CDC73: variants seen among roughly 807,000 people sequenced by gnomAD.
CDC73 encodes parafibromin.
Under a neutral mutation model 83.7 loss-of-function variants are expected in CDC73, and 21 were observed. The ratio of observed to expected loss-of-function variants is 0.25; its 90% confidence interval spans 0.18 to 0.36. CDC73 has a LOEUF of 0.36. Ranked by LOEUF, CDC73 falls within the 10% of genes least tolerant of loss-of-function variation. The probability of loss-of-function intolerance (pLI) is 1.00; values close to 1 mark genes in which losing one functional copy is unlikely to be tolerated. For synonymous variants in CDC73, 224 were observed against 212.9 expected (o/e 1.05, Z -0.45); for missense variants, 342 against 653.3 (o/e 0.52, Z 5.19).
At position 193,171,786 on chromosome 1, in the gene CDC73, G is replaced by A. The variant is rs372747925; in HGVS notation, c.972+19342G>A. ...ATTCACAGGTTCTGGGGGCTAGGGCGAATGGAAATCTTTGGAGAACCATTG... is the reference window on the plus strand; with the variant it reads ...ATTCACAGGTTCTGGGGGCTAGGGCAAATGGAAATCTTTGGAGAACCATTG... On this transcript the variant is annotated intron_variant, in intron 10 of 16. Coordinates refer to ENST00000367435, the MANE Select transcript of CDC73 (RefSeq NM_024529.5). Among the ~76,000 whole-genome samples the A allele has an allele frequency of 2.1e-4, 32 of 152,244 alleles. 1 individual carries two copies. The South Asian group carries it at 4.6e-3, about 22-fold the overall frequency.
intron 10 of CDC73, among the ~76,000 whole-genome samples, chr1:193,176,345 T>G (rs1440364815): frequency 6.6e-6 from 1 of 152,180 alleles, no homozygotes; most frequent in Non-Finnish European, 1.5e-5. Context: ...ACTGTTTTGC[T>G]TTTTTGAGGC....
chr1:193,204,398 T>C (rs1273700734), intron 11 of CDC73, among the ~76,000 whole-genome samples: 1 of 151,392 alleles, frequency 6.6e-6, no homozygotes, highest in Non-Finnish European at 1.5e-5. Flanking sequence ...CATGCCATTC[T>C]CCTGCCTCAG....
chr1:193,159,553 G>A (rs1413008470), intron 10 of CDC73, among the ~76,000 whole-genome samples: 1 of 151,958 alleles, frequency 6.6e-6, no homozygotes, highest in Middle Eastern at 3.2e-3. Flanking sequence ...TGTATTTTTA[G>A]TAGAGACTGT....
intron 14 of CDC73, among the ~76,000 whole-genome samples, chr1:193,233,758 G>C (rs903808782): frequency 6.6e-6 from 1 of 152,046 alleles, no homozygotes; most frequent in African/African-American, 2.4e-5. Flanking sequence ...TTTATTGTAA[G>C]GGAATAATGT....
At chr1:193,176,087 A>G (rs1676597707) in intron 10 of CDC73, among the ~76,000 whole-genome samples, 2 of 152,210 alleles carry the variant, frequency 1.3e-5, no homozygotes, top group South Asian at 2.1e-4. Context: ...CAAATTTTAA[A>G]TGTTAAGCAA....
chr1:193,138,162 T>G lies in CDC73; in HGVS notation c.501T>G (p.Thr167=), dbSNP rs200603992. The change falls in exon 6 of 17, where the codon ACT becomes ACG. Residue 167 remains threonine, a synonymous_variant. Coordinates refer to ENST00000367435, the MANE Select transcript of CDC73 (RefSeq NM_024529.5). ...GTCACAAAGAAGGGATTGTACAGAC[T>G]GAACAGATTAGGTAAGAATTCTTTT... ...LEGHKEGIVQ[T]EQIRSLSEAM... is the part of the protein sequence containing the mutation. The G allele has an allele frequency of 6.2e-7, 1 of 1,608,202 alleles. No individual in the cohort carries two copies. Among genetic ancestry groups the G allele is most frequent in the Non-Finnish European group, 8.5e-7 (1 of 1,174,602 alleles).
At chr1:193,230,093 G>A (rs893954220) in intron 13 of CDC73, among the ~76,000 whole-genome samples, 1 of 151,350 alleles carries the variant, frequency 6.6e-6, no homozygotes, top group Non-Finnish European at 1.5e-5. Context: ...GCAGTGGAGT[G>A]CAGATTTGAT....
At chr1:193,178,124 G>T (rs1558299443) in intron 10 of CDC73, among the ~76,000 whole-genome samples, 1 of 152,090 alleles carries the variant, frequency 6.6e-6, no homozygotes, top group Non-Finnish European at 1.5e-5. Flanking sequence ...TTAAGAAAAC[G>T]ACTTGAGTAT....
intron 15 of CDC73, among the ~76,000 whole-genome samples, chr1:193,247,745 C>CATA (rs1677978574): frequency 6.6e-6 from 1 of 152,078 alleles, no homozygotes; most frequent in South Asian, 2.1e-4. Flanking sequence ...TCAAACCAGC[C>CATA]ATAATATTCT....
chr1:193,157,188 G>A (rs1676221722), intron 10 of CDC73, among the ~76,000 whole-genome samples: 1 of 152,178 alleles, frequency 6.6e-6, no homozygotes, highest in South Asian at 2.1e-4. Flanking sequence ...AGAGTGGGGA[G>A]TAGAAAGATT....
intron 10 of CDC73, among the ~76,000 whole-genome samples, chr1:193,184,989 C>A (rs1432929452): frequency 2.0e-5 from 3 of 151,918 alleles, no homozygotes; most frequent in Non-Finnish European, 4.4e-5. Flanking sequence ...AGTTCTTGAG[C>A]CCTGAGTTGC....
chr1:193,202,604 C>G (rs373234703), intron 10 of CDC73, among the ~76,000 whole-genome samples: 1 of 145,644 alleles, frequency 6.9e-6, no homozygotes, highest in Non-Finnish European at 1.5e-5. Flanking sequence ...TTTTGCTGTC[C>G]TCAGGTGTCT....
intron 15 of CDC73, among the ~76,000 whole-genome samples, chr1:193,247,789 A>G: frequency 6.6e-6 from 1 of 152,014 alleles, no homozygotes. Flanking sequence ...GCAGTGCCCT[A>G]ACTCTCTTCA....
chr1:193,215,414 G>A (rs1677350197), intron 13 of CDC73, among the ~76,000 whole-genome samples: 1 of 152,186 alleles, frequency 6.6e-6, no homozygotes, highest in Middle Eastern at 3.4e-3. Flanking sequence ...CTGCCATTTA[G>A]TTGCAGAGCA....
At chr1:193,204,406 C>T (rs1446347241) in intron 11 of CDC73, among the ~76,000 whole-genome samples, 1 of 151,552 alleles carries the variant, frequency 6.6e-6, no homozygotes, top group East Asian at 1.9e-4. Flanking sequence ...TCTCCTGCCT[C>T]AGCCTCCCAA....
chr1:193,192,292 A>G (rs934442362), intron 10 of CDC73, among the ~76,000 whole-genome samples: 1 of 152,062 alleles, frequency 6.6e-6, no homozygotes, highest in African/African-American at 2.4e-5. Flanking sequence ...AAAATACAAA[A>G]ATCAGCCAGA....
chr1:193,175,448 G>C (rs1238392408), intron 10 of CDC73, among the ~76,000 whole-genome samples: 1 of 152,176 alleles, frequency 6.6e-6, no homozygotes, highest in Non-Finnish European at 1.5e-5. Context: ...TTCATATTAA[G>C]TGTACATGAC....
At chr1:193,188,542 T>C (rs146077534) in intron 10 of CDC73, among the ~76,000 whole-genome samples, 2 of 151,920 alleles carry the variant, frequency 1.3e-5, no homozygotes, top group African/African-American at 4.9e-5. Context: ...AGGTACATAT[T>C]GATTAACTAC....
chr1:193,233,389 T>G (rs1352482137), intron 14 of CDC73, among the ~76,000 whole-genome samples: 2 of 152,210 alleles, frequency 1.3e-5, no homozygotes, highest in Admixed American at 1.3e-4. Flanking sequence ...TTCGTTTGTT[T>G]TCTGTATATT....
Sources: allele counts gnomAD v4.1 joint callset (sites outside exome capture counted in the v4.1 genomes callset), GRCh38; gene constraint gnomAD v4.1.1; transcripts MANE v1.5; gene names NCBI Gene and HGNC (gene_info 2026-07-23, HGNC 2026-07-21).